TRIM9: variants seen among roughly 807,000 people sequenced by gnomAD.
TRIM9 encodes the protein tripartite motif containing 9.
TRIM9 carries 26 observed loss-of-function variants against 78.3 expected under a neutral mutation model. The ratio of observed to expected loss-of-function variants is 0.33; its 90% confidence interval spans 0.24 to 0.46. TRIM9 has a LOEUF of 0.46. Among genes scored for constraint, TRIM9 ranks in the 20% least tolerant of loss-of-function variants. The pLI is 1.00. For missense variants in TRIM9, 787 were observed against 1,036.4 expected, an observed-to-expected ratio of 0.76 and a Z score of 3.30; for synonymous variants, 398 against 416.5, an observed-to-expected ratio of 0.96 and a Z score of 0.54.
intron 3 of TRIM9, among the ~76,000 whole-genome samples, chr14:51,018,285 G>GCCTT (rs567969876): frequency 6.6e-6 from 1 of 150,680 alleles, no homozygotes; most frequent in South Asian, 2.1e-4. Context: ...CTGCCTGCCT[G>GCCTT]CCTTCCTTCC....
chr14:51,008,736 C>G (rs187001808), intron 5 of TRIM9, among the ~76,000 whole-genome samples: 3 of 152,294 alleles, frequency 2.0e-5, no homozygotes, highest in East Asian at 3.9e-4. Flanking sequence ...TCTGGACTCC[C>G]CTGATTTATA....
chr14:50,986,908 T>C lies in TRIM9; in HGVS notation c.1604-764A>G, dbSNP rs2052789024. Among the ~76,000 whole-genome samples, 3 of 152,238 alleles carry C rather than the reference T, an allele frequency of 2.0e-5. No individual in the cohort carries two copies. In the South Asian group the frequency reaches 6.2e-4, roughly 32 times the overall value. The stretch of plus-strand genomic sequence containing the variant: ...CAGATAGTCAGGTTTGGCCTGAAGA[T>C]AATTATTATATCAGACTAAAGACTT... On this transcript the variant is annotated intron_variant, in intron 7 of 12. Transcript: ENST00000684578.
At chr14:51,009,346 C>T (rs2056265469) in intron 4 of TRIM9, 113 bp from the exon 5 acceptor site, 1 of 1,277,544 alleles carries the variant, frequency 7.8e-7, no homozygotes, top group Non-Finnish European at 1.1e-6. Context: ...AGGACTCATA[C>T]TCTGACTGCC....
intron 1 of TRIM9, among the ~76,000 whole-genome samples, chr14:51,033,824 T>C (rs2058928785): frequency 6.6e-6 from 1 of 152,218 alleles, no homozygotes; most frequent in African/African-American, 2.4e-5. Flanking sequence ...AGAATACAGG[T>C]TGTCTGAATA....
At chr14:51,052,856 T>C (rs2060543548) in intron 1 of TRIM9, among the ~76,000 whole-genome samples, 1 of 152,096 alleles carries the variant, frequency 6.6e-6, no homozygotes, top group South Asian at 2.1e-4. Context: ...CTGCCACTGA[T>C]GGAGAAAATT....
chr14:50,996,166 G>A, intron 7 of TRIM9: 1 of 984,736 alleles, frequency 1.0e-6, no homozygotes, highest in Non-Finnish European at 1.2e-6. Flanking sequence ...GCTTTTCTTT[G>A]TATTCAGATA....
At chr14:51,088,991 A>AG (rs2064048021) in intron 1 of TRIM9, 2 of 147,670 alleles carry the variant, frequency 1.4e-5, no homozygotes, top group South Asian at 4.2e-4. Flanking sequence ...AAGCAAAGAA[A>AG]AAAAAAAAAA....
intron 7 of TRIM9, chr14:50,996,736 G>C: frequency 1.0e-6 from 1 of 985,468 alleles, no homozygotes; most frequent in Non-Finnish European, 1.2e-6. Flanking sequence ...TCATCCCTGA[G>C]AGAAGGTGCT....
intron 7 of TRIM9, 193 bp downstream of exon 7, chr14:50,997,857 C>A (rs1055300118): frequency 2.1e-6 from 3 of 1,403,662 alleles, no homozygotes; most frequent in East Asian, 5.0e-5. Flanking sequence ...GATGTGGAAT[C>A]TTTGGTTTGA....
chr14:51,072,409 A>T (rs928568637), intron 1 of TRIM9, among the ~76,000 whole-genome samples: 6 of 152,328 alleles, frequency 3.9e-5, no homozygotes, highest in Middle Eastern at 6.8e-3. Context: ...TCAGTTATGG[A>T]TTAACAGACT....
intron 1 of TRIM9, among the ~76,000 whole-genome samples, chr14:51,034,007 T>C (rs1361077066): frequency 1.3e-5 from 2 of 152,216 alleles, no homozygotes; most frequent in African/African-American, 4.8e-5. Flanking sequence ...GAATAGAGAT[T>C]CTGTGAACTA....
At chr14:50,982,376 T>A (rs2052061575) in intron 10 of TRIM9, 2 of 504,504 alleles carry the variant, frequency 4.0e-6, no homozygotes, top group Non-Finnish European at 7.2e-6. Flanking sequence ...TGGCATCGAT[T>A]TTGGAAGGTG....
intron 1 of TRIM9, among the ~76,000 whole-genome samples, chr14:51,041,455 G>C (rs1166775703): frequency 6.6e-6 from 1 of 152,246 alleles, no homozygotes; most frequent in East Asian, 1.9e-4. Context: ...CCACAGCCTG[G>C]CCCTCTTAGG....
chr14:51,037,150 A>G (rs2059220981), intron 1 of TRIM9, among the ~76,000 whole-genome samples: 1 of 152,198 alleles, frequency 6.6e-6, no homozygotes, highest in Non-Finnish European at 1.5e-5. Context: ...AAAATGCTTT[A>G]CTTACTAGTT....
chr14:50,998,425 T>C (rs959575060), intron 6 of TRIM9, among the ~76,000 whole-genome samples: 5 of 152,216 alleles, frequency 3.3e-5, no homozygotes, highest in African/African-American at 1.2e-4. Context: ...ATGTTGTATA[T>C]GCAGATTAGC....
intron 2 of TRIM9, among the ~76,000 whole-genome samples, chr14:51,023,772 A>T (rs1042720830): frequency 6.6e-5 from 10 of 152,236 alleles, no homozygotes; most frequent in African/African-American, 2.4e-4. Context: ...TAATCTGAAA[A>T]AAAGTAATTT....
chr14:51,006,690 T>C (rs144349909), intron 5 of TRIM9, among the ~76,000 whole-genome samples: 1 of 152,312 alleles, frequency 6.6e-6, no homozygotes, highest in African/African-American at 2.4e-5. Context: ...TATAATCCAG[T>C]ATTATACCAA....
intron 11 of TRIM9, among the ~76,000 whole-genome samples, chr14:50,981,058 A>C (rs567865275): frequency 2.0e-5 from 3 of 152,214 alleles, no homozygotes; most frequent in Admixed American, 2.0e-4. Context: ...CAGGGTCCAC[A>C]GTAGAAATTT....
At chr14:51,048,192 C>T (rs1345375047) in intron 1 of TRIM9, among the ~76,000 whole-genome samples, 1 of 152,182 alleles carries the variant, frequency 6.6e-6, no homozygotes, top group South Asian at 2.1e-4. Context: ...TAAACAGTTT[C>T]CTAAAAGCTT....
Sources: gnomAD v4.1 joint callset for allele counts (sites outside exome capture counted in the v4.1 genomes callset) on GRCh38, gnomAD v4.1.1 for gene constraint, MANE v1.5 for transcripts, NCBI Gene and HGNC (gene_info 2026-07-23, HGNC 2026-07-21) for gene names.